The following KIF1B variants were observed in gnomAD, a reference collection of about 807,000 sequenced individuals.
KIF1B encodes kinesin family member 1B.
In KIF1B, 76 loss-of-function variants were observed where a neutral mutation model predicts 241.9. The ratio of observed to expected loss-of-function variants is 0.31; its 90% CI spans 0.26 to 0.38. The LOEUF is 0.38. Among genes scored for constraint, KIF1B ranks in the 10% least tolerant of loss-of-function variants. The probability of loss-of-function intolerance (pLI) is 1.00; values close to 1 mark genes in which losing one functional copy is unlikely to be tolerated. For synonymous variants in KIF1B, 750 were observed against 796.7 expected (o/e 0.94, Z 0.99); for missense variants, 1,622 against 2,271.4 (o/e 0.71, Z 5.81).
intron 14 of KIF1B, among the ~76,000 whole-genome samples, chr1:10,280,262 G>C (rs1649340422): frequency 6.6e-6 from 1 of 151,618 alleles, no homozygotes; most frequent in Admixed American, 6.6e-5. Flanking sequence ...TTGAGATGGA[G>C]TCTTGCTTTG....
intron 38 of KIF1B, among the ~76,000 whole-genome samples, chr1:10,354,366 C>G (rs1422645679): frequency 6.6e-6 from 1 of 152,152 alleles, no homozygotes; most frequent in Non-Finnish European, 1.5e-5. Flanking sequence ...ACCCATAATT[C>G]ATCATCTATG....
intron 28 of KIF1B, 51 bp downstream of exon 28, chr1:10,334,689 A>C: frequency 7.0e-7 from 1 of 1,426,264 alleles, no homozygotes; most frequent in East Asian, 2.3e-5. Flanking sequence ...GTCTAGAGAC[A>C]AAGCAGGCTG....
rs112352735 is a variant in KIF1B, at chr1:10,273,319, C to G, written c.882+288C>G. 2.5e-3 allele frequency among the ~76,000 whole-genome samples: 386 copies of G among 152,188 alleles called. 2 individuals carry two copies. Among genetic ancestry groups the G allele is most frequent in the African/African-American group, 8.3e-3 (345 of 41,538 alleles). On this transcript the variant is annotated intron_variant, in intron 10 of 48. Transcript: ENST00000676179. ...CTGTAATCCCAGCACTTTGGGAGGC[C>G]AAGGCGGGCGGATCATTTGAGGTCA... is the stretch of plus-strand genomic sequence containing the variant.
At chr1:10,358,376 T>C (rs1248649311) in intron 38 of KIF1B, among the ~76,000 whole-genome samples, 1 of 152,220 alleles carries the variant, frequency 6.6e-6, no homozygotes, top group East Asian at 1.9e-4. Context: ...TGCCACGTTA[T>C]GGTTTGGAAC....
Position 10,271,515 on chromosome 1 carries a change from G to A in KIF1B, c.734G>A (p.Ser245Asn). Residue 245 changes from serine to asparagine, a missense_variant, in exon 8 of 49, where the codon AGC becomes AAC. Ser to Asn is a conservative substitution (Grantham distance 46, BLOSUM62 1). This residue lies in a region of KIF1B where 201 missense variants were observed against 301.2 expected (regional missense o/e 0.67). Coordinates refer to ENST00000676179, the MANE Select transcript of KIF1B (RefSeq NM_001365951.3). ...NLSTEKVSKI[S>N]LVDLAGSERA... ...GTTCTTTATCAGGTCAGTAAAATCA[G>A]CTTGGTGGATCTAGCAGGAAGTGAA... 1 of 1,613,466 alleles carries A rather than the reference G, an allele frequency of 6.2e-7. No individual in the cohort carries two copies.
At chr1:10,282,237 C>A in intron 14 of KIF1B, 85 bp from the exon 15 acceptor site, 1 of 1,084,174 alleles carries the variant, frequency 9.2e-7, no homozygotes, top group Non-Finnish European at 1.4e-6. Context: ...TTTCTTACAA[C>A]GATATTCCTT....
At chr1:10,279,020 T>G in intron 13 of KIF1B, 77 bp from the exon 14 acceptor site, 1 of 1,022,180 alleles carries the variant, frequency 9.8e-7, no homozygotes, top group Admixed American at 2.1e-5. Flanking sequence ...TGCCAAAAAC[T>G]GCTCTGTTCC....
intron 26 of KIF1B, among the ~76,000 whole-genome samples, chr1:10,325,764 C>A (rs1438684683): frequency 6.6e-6 from 1 of 152,156 alleles, no homozygotes; most frequent in Non-Finnish European, 1.5e-5. Flanking sequence ...CTTCTTGTTT[C>A]ACTTTGATGT....
Position 10,337,677 on chromosome 1 carries a change from A to G in KIF1B, c.3422+144A>G. ...GTCTCTGAAGGAAAATACTTTCATCACTCCTATGGGAGTGAGAACCAGAAA... is the reference window on the plus strand; with the variant it reads ...GTCTCTGAAGGAAAATACTTTCATCGCTCCTATGGGAGTGAGAACCAGAAA... On this transcript the variant is annotated intron_variant, in intron 31 of 48. Coordinates refer to ENST00000676179, the MANE Select transcript of KIF1B (RefSeq NM_001365951.3). This position sits in a 1 kb window ranked among gnomAD's most constrained non-coding sequence, Gnocchi z 4.0. 1.0e-6 allele frequency: 1 copy of G among 956,630 alleles called. No homozygotes were observed. Among genetic ancestry groups the G allele is most frequent in the South Asian group, 1.6e-5 (1 of 64,232 alleles). The allele number at this position is 956,630 out of a possible 1,614,324, so 59.3% of individuals were successfully genotyped here. A position where few individuals can be genotyped will look rare whatever the true frequency, so the allele number is the denominator to read the frequency against.
At chr1:10,255,850 C>T (rs1399645353) in intron 2 of KIF1B, among the ~76,000 whole-genome samples, 2 of 152,224 alleles carry the variant, frequency 1.3e-5, no homozygotes, top group East Asian at 1.9e-4. Context: ...GGTGCAGTGG[C>T]TCGATAACAG....
Position 10,361,820 on chromosome 1 carries a change from A to G in KIF1B, c.4299A>G (p.Pro1433=), listed in dbSNP as rs12125492. Residue 1433 remains proline, a synonymous_variant, in exon 40 of 49, where the codon CCA becomes CCG. Coordinates refer to ENST00000676179, the MANE Select transcript of KIF1B (RefSeq NM_001365951.3). ...TTGGCAGCGGCTACTCAAAGTCACCAGATTCGTAAGTTTTTCACACAAGTT... is the reference window on the plus strand; with the variant it reads ...TTGGCAGCGGCTACTCAAAGTCACCGGATTCGTAAGTTTTTCACACAAGTT... ...SLFGSGYSKS[P]DSNRVTGIYE... is the part of the protein sequence containing the mutation. The G allele has an allele frequency of 0.12, 189,774 of 1,613,702 alleles. 12,581 individuals carry two copies. The highest frequency in any genetic ancestry group is 0.2 in the South Asian group (17,906 of 91,068).
intron 7 of KIF1B, among the ~76,000 whole-genome samples, chr1:10,270,623 A>T (rs1224839618): frequency 6.6e-6 from 1 of 152,090 alleles, no homozygotes; most frequent in African/African-American, 2.4e-5. Flanking sequence ...GTCTTATTGT[A>T]GCTCCTTAAG....
chr1:10,320,021 T>C (rs1475903878), intron 22 of KIF1B, 22 bp from the exon 23 acceptor site: 1 of 1,529,306 alleles, frequency 6.5e-7, no homozygotes, highest in South Asian at 1.1e-5. Context: ...TCCTACATGT[T>C]ATCTCCTTTC....
intron 2 of KIF1B, among the ~76,000 whole-genome samples, chr1:10,234,565 A>G (rs549517335): frequency 6.6e-6 from 1 of 151,216 alleles, no homozygotes; most frequent in South Asian, 2.1e-4. Flanking sequence ...TCTGTCACGC[A>G]GGCTGGAGTG....
In KIF1B at chr1:10,326,428, C is replaced by T. The variant is rs557835169; in HGVS notation, c.2924+69C>T. 1 of 1,602,776 alleles carries T rather than the reference C, an allele frequency of 6.2e-7. No individual in the cohort carries two copies. On this transcript the variant is annotated intron_variant, in intron 27 of 48. Coordinates refer to ENST00000676179, the MANE Select transcript of KIF1B (RefSeq NM_001365951.3). The surrounding 1 kb of genome is among the most constrained non-coding windows in gnomAD (Gnocchi z 5.2). ...TGCTCTGAAGGCCTCCCTGCTTGCACAATTTTGGATAACCTTGCATTAGCC... is the reference window on the plus strand; with the variant it reads ...TGCTCTGAAGGCCTCCCTGCTTGCATAATTTTGGATAACCTTGCATTAGCC...
At position 10,212,856 on chromosome 1, in the gene KIF1B, G is replaced by GTATATATA. The variant is rs138390670; in HGVS notation, c.-80+1982_-80+1989dup. 7.9e-5 allele frequency among the ~76,000 whole-genome samples: 11 copies of GTATATATA among 139,418 alleles called. 1 individual carries two copies. Among genetic ancestry groups the GTATATATA allele is most frequent in the African/African-American group, 2.9e-4 (11 of 38,298 alleles). The allele number at this position is 139,418 out of a possible 152,430, so 91.5% of individuals were successfully genotyped here. On this transcript the variant is annotated intron_variant, in intron 1 of 48. Coordinates refer to ENST00000676179, the MANE Select transcript of KIF1B (RefSeq NM_001365951.3). ...AGACCCTGGCTAAAAAAAAAAATGT[G>GTATATATA]TATATATATATGTGTGTGTGTGCAT...
intron 17 of KIF1B, 100 bp from the exon 18 acceptor site, chr1:10,294,986 G>T: frequency 1.2e-6 from 1 of 812,310 alleles, no homozygotes. Flanking sequence ...TCTAGGCTCT[G>T]TGGAGAGTTG....
chr1:10,345,151 G>A (rs1185987783), intron 34 of KIF1B, among the ~76,000 whole-genome samples: 2 of 152,072 alleles, frequency 1.3e-5, no homozygotes, highest in Non-Finnish European at 2.9e-5. Flanking sequence ...CCGAGATCAC[G>A]CCATAAAAAA....
chr1:10,371,122 G>C lies in KIF1B; in HGVS notation c.4825-19G>C. Reference sequence around the variant, plus strand: ...TTTTTTCAGCTGAATGTAACTTGTAGTGTTCGGTTTGCTTCCAGTTGTCTG... The same window carrying C: ...TTTTTTCAGCTGAATGTAACTTGTACTGTTCGGTTTGCTTCCAGTTGTCTG... On this transcript the variant is annotated intron_variant, in intron 44 of 48. Transcript: ENST00000676179. 1 of 1,614,140 alleles carries C rather than the reference G, an allele frequency of 6.2e-7. No homozygotes were observed. The highest frequency in any genetic ancestry group is 8.5e-7 in the Non-Finnish European group (1 of 1,180,018).
Sources: allele counts gnomAD v4.1 joint callset (sites outside exome capture counted in the v4.1 genomes callset), GRCh38; gene constraint gnomAD v4.1.1; regional missense constraint gnomAD v4.1.1; non-coding constraint Gnocchi (gnomAD v3.1); transcripts MANE v1.5; gene names NCBI Gene and HGNC (gene_info 2026-07-23, HGNC 2026-07-21).